Variants in PARD3B observed in about 807,000 individuals in gnomAD.
PARD3B encodes the protein partitioning defective 3 homolog B.
A neutral mutation model predicts 130.2 loss-of-function variants in PARD3B; 103 were observed. That is an observed-to-expected ratio of 0.79 (90% CI 0.67 to 0.93). PARD3B has a LOEUF of 0.93. Ranked by LOEUF, PARD3B falls within the 40% of genes least tolerant of loss-of-function variation. The pLI, the probability that PARD3B is intolerant of heterozygous loss-of-function variation, is 0.00. For missense variants in PARD3B, 1,609 were observed against 1,499.2 expected, an observed-to-expected ratio of 1.07 and a Z score of -1.21; for synonymous variants, 583 against 553.2, an observed-to-expected ratio of 1.05 and a Z score of -0.76.
chr2:205,286,084 C>T (rs1236849455), intron 16 of PARD3B, among the ~76,000 whole-genome samples: 1 of 152,064 alleles, frequency 6.6e-6, no homozygotes, highest in Non-Finnish European at 1.5e-5. Flanking sequence ...CAGAACAAGG[C>T]AGGGAATATA....
chr2:205,362,295 G>A (rs1394131852), intron 18 of PARD3B, among the ~76,000 whole-genome samples: 1 of 152,092 alleles, frequency 6.6e-6, no homozygotes, highest in African/African-American at 2.4e-5. Flanking sequence ...TGATTTTCAT[G>A]TTTCCATTGT....
intron 2 of PARD3B, among the ~76,000 whole-genome samples, chr2:204,954,971 CT>C (rs571299316): frequency 6.6e-6 from 1 of 152,026 alleles, no homozygotes; most frequent in Non-Finnish European, 1.5e-5. Flanking sequence ...AGAAAGGTTC[CT>C]TTTTTTTATT....
intron 2 of PARD3B, among the ~76,000 whole-genome samples, chr2:204,786,824 G>T (rs956232024): frequency 6.6e-6 from 1 of 151,198 alleles, no homozygotes; most frequent in African/African-American, 2.4e-5. Flanking sequence ...GATGCCCTGG[G>T]GATCAAATAC....
chr2:205,384,749 A>T (rs533117262), intron 18 of PARD3B, among the ~76,000 whole-genome samples: 1 of 152,216 alleles, frequency 6.6e-6, no homozygotes, highest in African/African-American at 2.4e-5. Flanking sequence ...AGAAATTATA[A>T]ATAGAAATGT....
At chr2:204,705,161 T>C (rs931490732) in intron 2 of PARD3B, among the ~76,000 whole-genome samples, 3 of 152,212 alleles carry the variant, frequency 2.0e-5, no homozygotes, top group African/African-American at 4.8e-5. Flanking sequence ...GTGATGAGCA[T>C]GGCAGATGTA....
chr2:204,900,447 A>G (rs962010814), intron 2 of PARD3B, among the ~76,000 whole-genome samples: 1 of 152,062 alleles, frequency 6.6e-6, no homozygotes, highest in Admixed American at 6.5e-5. Context: ...CTACTCCACA[A>G]TTTCTGCTTA....
At chr2:204,879,848 G>A (rs1453642815) in intron 2 of PARD3B, among the ~76,000 whole-genome samples, 3 of 152,268 alleles carry the variant, frequency 2.0e-5, no homozygotes, top group East Asian at 1.9e-4. Context: ...TGCAAAGCCC[G>A]GATATCAGTG....
intron 16 of PARD3B, among the ~76,000 whole-genome samples, chr2:205,259,840 C>T (rs946270031): frequency 6.6e-6 from 1 of 152,042 alleles, no homozygotes; most frequent in Non-Finnish European, 1.5e-5. Context: ...TCAAATTTTT[C>T]TGGATTTTGG....
At chr2:205,467,626 A>C (rs572811471) in intron 20 of PARD3B, among the ~76,000 whole-genome samples, 102 of 152,342 alleles carry the variant, frequency 6.7e-4, no homozygotes, top group Non-Finnish European at 1.2e-3. Flanking sequence ...GAAGCCAAGC[A>C]TATCTCAATT....
At chr2:205,132,902 A>G (rs35505346) in intron 10 of PARD3B, among the ~76,000 whole-genome samples, 90,378 of 151,970 alleles carry the variant, frequency 0.59, 28,836 homozygotes, top group Admixed American at 0.74. Flanking sequence ...AGCATAGTGT[A>G]TGCTCAGTGG....
In PARD3B at chr2:205,170,086, G is replaced by A. The variant is rs535300128; in HGVS notation, c.1621-2125G>A. ...GCTGGGATTACAGGCATGCACCACC[G>A]CGCCCAGCTAATTTTGTATTTTAAG... is the stretch of plus-strand genomic sequence containing the variant. On this transcript the variant is annotated intron_variant, in intron 11 of 22. Transcript: ENST00000406610. Among the ~76,000 whole-genome samples, 29 of 151,796 alleles carry A rather than the reference G, an allele frequency of 1.9e-4. No individual in the cohort carries two copies. In the South Asian group the frequency reaches 3.1e-3, roughly 16 times the overall value.
At chr2:205,381,070 T>TATATATTATATATAAGA (rs1559035673) in intron 18 of PARD3B, among the ~76,000 whole-genome samples, 1 of 32,594 alleles carries the variant, frequency 3.1e-5, no homozygotes, top group Non-Finnish European at 5.5e-5. Context: ...GAATATATAT[T>TATATATTATATATAAGA]ATATATATTA....
At chr2:204,770,352 A>C (rs909576262) in intron 2 of PARD3B, among the ~76,000 whole-genome samples, 4 of 135,340 alleles carry the variant, frequency 3.0e-5, no homozygotes, top group Admixed American at 1.5e-4. Flanking sequence ...GTTTGATTGC[A>C]CTGTGGTCTG....
intron 3 of PARD3B, among the ~76,000 whole-genome samples, chr2:205,014,622 T>C (rs547558276): frequency 2.6e-5 from 4 of 152,336 alleles, no homozygotes; most frequent in African/African-American, 9.6e-5. Context: ...GAAAATAACT[T>C]ATTCAACAAG....
At chr2:204,686,573 T>G (rs1412730052) in intron 2 of PARD3B, among the ~76,000 whole-genome samples, 1 of 152,202 alleles carries the variant, frequency 6.6e-6, no homozygotes. Flanking sequence ...GAATCATCAT[T>G]GTCGTTGCTG....
In PARD3B at chr2:204,756,345, G is replaced by T. The variant is rs58058037; in HGVS notation, c.222+70063G>T. 8.6e-3 allele frequency among the ~76,000 whole-genome samples: 1,305 copies of T among 152,110 alleles called. 14 individuals carry two copies. The highest frequency in any genetic ancestry group is 0.029 in the African/African-American group (1,191 of 41,500). On this transcript the variant is annotated intron_variant, in intron 2 of 22. Coordinates refer to ENST00000406610, the MANE Select transcript of PARD3B (RefSeq NM_001302769.2). ...ATCTTTGTATGGCTGCAATATTACT[G>T]TATTTAACATTAAGGATAAATTATT...
intron 2 of PARD3B, among the ~76,000 whole-genome samples, chr2:204,865,865 G>A (rs1032424089): frequency 2.0e-5 from 3 of 152,160 alleles, no homozygotes; most frequent in African/African-American, 7.2e-5. Context: ...ATGATGCAAG[G>A]AATCCATTTT....
chr2:205,498,547 G>T (rs1227507539), intron 20 of PARD3B, among the ~76,000 whole-genome samples: 1 of 151,960 alleles, frequency 6.6e-6, no homozygotes, highest in Non-Finnish European at 1.5e-5. Context: ...ACTTTTATTC[G>T]AATTTGCTTT....
intron 14 of PARD3B, among the ~76,000 whole-genome samples, chr2:205,188,384 A>G (rs1294177482): frequency 6.6e-6 from 1 of 152,168 alleles, no homozygotes; most frequent in Non-Finnish European, 1.5e-5. Context: ...GCTTCTCCGG[A>G]GAGCAGTGGA....
Sources: allele counts gnomAD v4.1 joint callset (sites outside exome capture counted in the v4.1 genomes callset), GRCh38; gene constraint gnomAD v4.1.1; transcripts MANE v1.5; gene names NCBI Gene and HGNC (gene_info 2026-07-23, HGNC 2026-07-21).